Variants in TCF4 observed in about 807,000 individuals in gnomAD.
TCF4 encodes the protein SL3-3 enhancer factor 2.
A neutral mutation model predicts 82.1 loss-of-function variants in TCF4; 3 were observed. The observed-to-expected ratio is 0.04, with a 90% confidence interval of 0.02 to 0.09. The LOEUF (loss-of-function observed/expected upper bound fraction) is 0.09. Among genes scored for constraint, TCF4 ranks in the 10% least tolerant of loss-of-function variants. The pLI, the probability that TCF4 is intolerant of heterozygous loss-of-function variation, is 1.00. For missense variants in TCF4, 518 were observed against 852.7 expected, an observed-to-expected ratio of 0.61 and a Z score of 4.89; for synonymous variants, 276 against 309.6, an observed-to-expected ratio of 0.89 and a Z score of 1.14.
In TCF4 at chr18:55,400,830, G is replaced by A; in HGVS notation, c.369+2624C>T. On this transcript the variant is annotated intron_variant, in intron 6 of 19. Coordinates refer to ENST00000354452, the MANE Select transcript of TCF4 (RefSeq NM_001083962.2). ...AGGCTATTGAGACTGGAAGAAGCAT[G>A]TTTCCATATAGCACTGCTCACCCCT... is the stretch of plus-strand genomic sequence containing the variant. 3 of 547,502 alleles carry A rather than the reference G, an allele frequency of 5.5e-6. No homozygotes were observed. The South Asian group carries it at 6.0e-5, about 11-fold the overall frequency. The allele number at this position is 547,502 out of a possible 1,614,324, so 33.9% of individuals were successfully genotyped here.
chr18:55,621,825 AAT>A (rs1278798155), intron 2 of TCF4, among the ~76,000 whole-genome samples: 170 of 71,660 alleles, frequency 2.4e-3, no homozygotes, highest in South Asian at 8.4e-3. Flanking sequence ...TATATTATAT[AAT>A]ATATATACAC....
intron 9 of TCF4, among the ~76,000 whole-genome samples, chr18:55,278,562 G>GTTTTTTTA (rs377533914): frequency 9.5e-6 from 1 of 104,996 alleles, no homozygotes; most frequent in Non-Finnish European, 2.2e-5. Flanking sequence ...TTATTTGTTT[G>GTTTTTTTA]TTTATTTATT....
At chr18:55,433,726 T>C (rs1304451806) in intron 5 of TCF4, among the ~76,000 whole-genome samples, 2 of 152,238 alleles carry the variant, frequency 1.3e-5, no homozygotes, top group African/African-American at 2.4e-5. Flanking sequence ...ATATTTGCAT[T>C]ATGTTACGAG....
In TCF4 at chr18:55,559,629, G is replaced by GT. The variant is rs891266627; in HGVS notation, c.145+25650dup. ...CAAAAATGTTAAAAATTATCATAGGGTTTTTTCTTTAAAAAAAAAAAAACT... is the reference window on the plus strand; with the variant it reads ...CAAAAATGTTAAAAATTATCATAGGGTTTTTTTCTTTAAAAAAAAAAAAACT... On this transcript the variant is annotated intron_variant, in intron 3 of 19. Coordinates refer to ENST00000354452, the MANE Select transcript of TCF4 (RefSeq NM_001083962.2). 4.6e-4 allele frequency among the ~76,000 whole-genome samples: 25 copies of GT among 54,642 alleles called. 1 individual carries two copies. The South Asian group carries it at 0.023, about 50-fold the overall frequency. The allele number at this position is 54,642 out of a possible 152,430, so 35.8% of individuals were successfully genotyped here. A position where few individuals can be genotyped will look rare whatever the true frequency, so the allele number is the denominator to read the frequency against.
intron 8 of TCF4, among the ~76,000 whole-genome samples, chr18:55,346,514 G>T (rs962616563): frequency 6.6e-6 from 1 of 152,094 alleles, no homozygotes; most frequent in Admixed American, 6.6e-5. Context: ...TACAGCTTTA[G>T]GAAAGATCAC....
chr18:55,444,545 A>G (rs1187126370), intron 5 of TCF4, among the ~76,000 whole-genome samples: 1 of 152,246 alleles, frequency 6.6e-6, no homozygotes, highest in East Asian at 1.9e-4. Context: ...GAGACAATAC[A>G]CAATACTAGT....
chr18:55,517,101 G>T (rs2096889948), intron 3 of TCF4, among the ~76,000 whole-genome samples: 1 of 152,156 alleles, frequency 6.6e-6, no homozygotes, highest in South Asian at 2.1e-4. Flanking sequence ...GTTATAATAA[G>T]AGCTCCTAAT....
intron 3 of TCF4, among the ~76,000 whole-genome samples, chr18:55,508,508 T>C (rs2096789028): frequency 6.6e-6 from 1 of 152,236 alleles, no homozygotes; most frequent in South Asian, 2.1e-4. Flanking sequence ...GCAGTTACTA[T>C]GGGCTGAACA....
chr18:55,520,030 A>G (rs1305944042), intron 3 of TCF4, among the ~76,000 whole-genome samples: 1 of 152,138 alleles, frequency 6.6e-6, no homozygotes, highest in African/African-American at 2.4e-5. Context: ...CCCCACACCC[A>G]GTACACAAAT....
intron 8 of TCF4, among the ~76,000 whole-genome samples, chr18:55,332,781 G>A (rs1023374956): frequency 6.6e-6 from 1 of 152,172 alleles, no homozygotes; most frequent in East Asian, 1.9e-4. Context: ...TCTGACTCAC[G>A]TCAGTGTTTC....
At chr18:55,524,489 T>G (rs1377304520) in intron 3 of TCF4, among the ~76,000 whole-genome samples, 1 of 152,206 alleles carries the variant, frequency 6.6e-6, no homozygotes, top group Non-Finnish European at 1.5e-5. Flanking sequence ...ATTCTTCAAG[T>G]GTTCTTTTCT....
chr18:55,588,986 C>A (rs1433563897), upstream of TCF4, among the ~76,000 whole-genome samples: 1 of 152,078 alleles, frequency 6.6e-6, no homozygotes, highest in Non-Finnish European at 1.5e-5. Flanking sequence ...TTAAAACATA[C>A]TTTTTCACAT....
chr18:55,630,085 G>C (rs373904118), intron 2 of TCF4, among the ~76,000 whole-genome samples: 2 of 152,024 alleles, frequency 1.3e-5, no homozygotes, highest in African/African-American at 4.8e-5. Context: ...GAAGACATTT[G>C]TGTCTTCAGC....
chr18:55,623,775 T>C (rs1422698631), intron 2 of TCF4, among the ~76,000 whole-genome samples: 1 of 152,202 alleles, frequency 6.6e-6, no homozygotes, highest in Non-Finnish European at 1.5e-5. Flanking sequence ...ATTGGAGTTT[T>C]GCAGCTAGAT....
rs536506537 is a variant in TCF4, at chr18:55,403,400, C to T, written c.369+54G>A. 66 of 1,597,588 alleles carry T rather than the reference C, an allele frequency of 4.1e-5. 1 individual carries two copies. The South Asian group carries it at 7.2e-4, about 17-fold the overall frequency. On this transcript the variant is annotated intron_variant, in intron 6 of 19. Transcript: ENST00000354452. Reference sequence around the variant, plus strand: ...TGCATCATCTAATTTAGAAAACAAACTGATTTACCAGGTTAATCCTCTCAA... The same window carrying T: ...TGCATCATCTAATTTAGAAAACAAATTGATTTACCAGGTTAATCCTCTCAA...
At chr18:55,378,951 G>A (rs1004785183) in intron 6 of TCF4, among the ~76,000 whole-genome samples, 1 of 152,192 alleles carries the variant, frequency 6.6e-6, no homozygotes, top group African/African-American at 2.4e-5. Flanking sequence ...TTGAACAAAG[G>A]TGTCAAATAA....
chr18:55,438,775 T>C (rs1319716687), intron 5 of TCF4, among the ~76,000 whole-genome samples: 2 of 152,204 alleles, frequency 1.3e-5, no homozygotes, highest in South Asian at 4.1e-4. Flanking sequence ...CTCTGAAACA[T>C]TCCATACTCC....
chr18:55,507,538 A>G (rs1270172035), intron 3 of TCF4, among the ~76,000 whole-genome samples: 1 of 150,548 alleles, frequency 6.6e-6, no homozygotes, highest in Non-Finnish European at 1.5e-5. Context: ...AGAGAAAATG[A>G]AACTACAGAT....
chr18:55,490,313 A>G (rs1301472262), intron 3 of TCF4, among the ~76,000 whole-genome samples: 2 of 152,146 alleles, frequency 1.3e-5, no homozygotes, highest in Non-Finnish European at 2.9e-5. Flanking sequence ...TGCAAATTAG[A>G]TGCCAAAACA....
Sources: allele counts gnomAD v4.1 joint callset (sites outside exome capture counted in the v4.1 genomes callset), GRCh38; gene constraint gnomAD v4.1.1; transcripts MANE v1.5; gene names NCBI Gene and HGNC (gene_info 2026-07-23, HGNC 2026-07-21).